NCOA3: variants seen among roughly 807,000 people sequenced by gnomAD.
NCOA3 encodes the protein nuclear receptor coactivator 3, also known as CBP-interacting protein.
NCOA3 carries 51 observed loss-of-function variants against 158.8 expected under a neutral mutation model. The ratio of observed to expected loss-of-function variants is 0.32; its 90% CI spans 0.26 to 0.41. The LOEUF is 0.41. Ranked by LOEUF, NCOA3 falls within the 10% of genes least tolerant of loss-of-function variation. The pLI, the probability that NCOA3 is intolerant of heterozygous loss-of-function variation, is 1.00. For synonymous variants in NCOA3, 537 were observed against 592.4 expected (o/e 0.91, Z 1.36); for missense variants, 1,510 against 1,746.6 (o/e 0.86, Z 2.41).
chr20:47,570,984 A>ATGTGTGTGTG (rs74178747), intron 1 of NCOA3, among the ~76,000 whole-genome samples: 8,008 of 120,612 alleles, frequency 0.066, 453 homozygotes, highest in Middle Eastern at 0.2. Context: ...ATATACATAT[A>ATGTGTGTGTG]TGTGTGTGTG....
chr20:47,648,914 T>C (rs960827818), intron 18 of NCOA3, 91 bp from the exon 19 acceptor site: 15 of 708,050 alleles, frequency 2.1e-5, no homozygotes, highest in South Asian at 1.0e-4. Context: ...TTTGGAGATA[T>C]TACCTCATTG....
At chr20:47,590,802 C>G (rs2085619631) in intron 2 of NCOA3, among the ~76,000 whole-genome samples, 1 of 150,920 alleles carries the variant, frequency 6.6e-6, no homozygotes, top group African/African-American at 2.4e-5. Flanking sequence ...GAGACCAAGA[C>G]CCTGCCTCAA....
At chr20:47,523,955 T>C (rs2084385453) in intron 1 of NCOA3, among the ~76,000 whole-genome samples, 2 of 152,254 alleles carry the variant, frequency 1.3e-5, no homozygotes, top group African/African-American at 4.8e-5. Context: ...CATTTACCCA[T>C]AGAAGAACGG....
intron 18 of NCOA3, among the ~76,000 whole-genome samples, chr20:47,647,892 T>C (rs1003475301): frequency 2.3e-4 from 31 of 137,044 alleles, no homozygotes; most frequent in African/African-American, 7.2e-4. Flanking sequence ...TGAGGTTTTT[T>C]TTTTGTTTGT....
chr20:47,581,940 T>C (rs2085460318), intron 1 of NCOA3, among the ~76,000 whole-genome samples: 1 of 152,200 alleles, frequency 6.6e-6, no homozygotes, highest in Non-Finnish European at 1.5e-5. Context: ...TTGTTGGCTT[T>C]ATCCATCCCT....
chr20:47,525,468 G>C (rs2084415257), intron 1 of NCOA3, among the ~76,000 whole-genome samples: 1 of 150,844 alleles, frequency 6.6e-6, no homozygotes, highest in Non-Finnish European at 1.5e-5. Context: ...CAGACGGGGT[G>C]GTGGCCGGGC....
rs919040288 is a variant in NCOA3 at position 47,636,371 on chromosome 20, C to T, written c.1985C>T (p.Ser662Phe). ...ACCAGCCCCTCTGGAGTCTCCTCCTCTACATCTGGAGGAGTATCCTCTACA... is the reference window on the plus strand; with the variant it reads ...ACCAGCCCCTCTGGAGTCTCCTCCTTTACATCTGGAGGAGTATCCTCTACA... ...SVTSPSGVSS[S>F]TSGGVSSTSN... Residue 662 changes from serine to phenylalanine, a missense_variant, in exon 12 of 23, where the codon TCT becomes TTT. Ser to Phe is a radical substitution (Grantham distance 155). Around this residue, in one of 4 missense-constraint regions of NCOA3, gnomAD observed 1,017 missense variants for 1,098.3 expected, o/e 0.93. Coordinates refer to ENST00000371998, the MANE Select transcript of NCOA3 (RefSeq NM_181659.3). 1.4e-5 allele frequency: 22 copies of T among 1,614,158 alleles called. No individual in the cohort carries two copies. The highest frequency in any genetic ancestry group is 1.9e-5 in the Non-Finnish European group (22 of 1,180,020).
chr20:47,523,699 C>T (rs72661191), intron 1 of NCOA3, among the ~76,000 whole-genome samples: 5 of 152,276 alleles, frequency 3.3e-5, no homozygotes, highest in African/African-American at 4.8e-5. Context: ...CAGCATGTTT[C>T]GTTTAAAACT....
At chr20:47,618,370 T>TTTTAA (rs1555811916) in intron 2 of NCOA3, among the ~76,000 whole-genome samples, 1 of 142,096 alleles carries the variant, frequency 7.0e-6, no homozygotes, top group Non-Finnish European at 1.5e-5. Flanking sequence ...TTTTTTTTTT[T>TTTTAA]ATAGACAGAA....
intron 2 of NCOA3, among the ~76,000 whole-genome samples, chr20:47,607,450 A>T (rs6066406): frequency 6.6e-6 from 1 of 152,116 alleles, no homozygotes; most frequent in Non-Finnish European, 1.5e-5. Context: ...TTTCTTGGTC[A>T]CCTCTCCATA....
intron 3 of NCOA3, among the ~76,000 whole-genome samples, chr20:47,622,797 A>G (rs2086263065): frequency 1.3e-5 from 2 of 152,184 alleles, no homozygotes; most frequent in African/African-American, 4.8e-5. Flanking sequence ...GCGGGGTTAG[A>G]TCTCACAAAG....
At chr20:47,511,524 GATATATATAT>G (rs34123990) in intron 1 of NCOA3, among the ~76,000 whole-genome samples, 9 of 22,018 alleles carry the variant, frequency 4.1e-4, no homozygotes, top group Admixed American at 9.3e-4. Flanking sequence ...TCTCTCTCGA[GATATATATAT>G]ATATATATAT....
chr20:47,545,261 C>G (rs144355440), intron 1 of NCOA3, among the ~76,000 whole-genome samples: 4 of 145,170 alleles, frequency 2.8e-5, no homozygotes, highest in African/African-American at 1.0e-4. Context: ...ACTGCAACCT[C>G]TGTCTTCCGG....
At chr20:47,650,870 A>G (rs1252207542) in intron 19 of NCOA3, 112 bp from the exon 20 acceptor site, 5 of 1,025,626 alleles carry the variant, frequency 4.9e-6, no homozygotes, top group South Asian at 1.6e-5. Context: ...TAAAAAAAAG[A>G]AGGCCCTGGG....
intron 1 of NCOA3, among the ~76,000 whole-genome samples, chr20:47,525,792 G>T (rs569731542): frequency 7.0e-5 from 8 of 114,014 alleles, no homozygotes; most frequent in African/African-American, 7.6e-5. Context: ...CCCAGACGGG[G>T]CGGCTGGCCG....
chr20:47,529,233 C>G (rs992306364), intron 1 of NCOA3, among the ~76,000 whole-genome samples: 9 of 150,904 alleles, frequency 6.0e-5, no homozygotes, highest in African/African-American at 2.0e-4. Context: ...AGCGATTCTC[C>G]TGCTTCAGCC....
At chr20:47,566,538 G>T (rs537323050) in intron 1 of NCOA3, among the ~76,000 whole-genome samples, 1 of 151,922 alleles carries the variant, frequency 6.6e-6, no homozygotes, top group African/African-American at 2.4e-5. Flanking sequence ...TTGAGATAGG[G>T]TCTTGCTCTG....
In NCOA3 at chr20:47,647,378, T is replaced by C. The variant is rs2086705732; in HGVS notation, c.3546+12T>C. On this transcript the variant is annotated intron_variant, in intron 18 of 22. Transcript: ENST00000371998. ...TGCAGGGCCAGCAGGTAACCAGTCA[T>C]GTGTTCTTCCCTCTGGCTTCTCCTT... 2 of 1,610,940 alleles carry C rather than the reference T, an allele frequency of 1.2e-6. No homozygotes were observed. The highest frequency in any genetic ancestry group is 8.5e-7 in the Non-Finnish European group (1 of 1,178,124).
At chr20:47,623,616 C>T (rs924100605) in intron 3 of NCOA3, among the ~76,000 whole-genome samples, 1 of 151,716 alleles carries the variant, frequency 6.6e-6, no homozygotes, top group African/African-American at 2.4e-5. Context: ...GGTGAAACAT[C>T]GTCTCAACTA....
Sources: gnomAD v4.1 joint callset for allele counts (sites outside exome capture counted in the v4.1 genomes callset) on GRCh38, gnomAD v4.1.1 for gene constraint, gnomAD v4.1.1 regional missense constraint, MANE v1.5 for transcripts, NCBI Gene and HGNC (gene_info 2026-07-23, HGNC 2026-07-21) for gene names.